Variants in PPL observed in about 807,000 individuals in gnomAD.
PPL encodes the protein periplakin.
A neutral mutation model predicts 194.4 loss-of-function variants in PPL; 198 were observed. The observed-to-expected ratio is 1.02, with a 90% CI of 0.91 to 1.15. The LOEUF (loss-of-function observed/expected upper bound fraction) is 1.15. PPL is among the 50% of genes most tolerant of loss of function. The pLI, the probability that PPL is intolerant of heterozygous loss-of-function variation, is 0.00. For synonymous variants in PPL, 1,220 were observed against 972.4 expected (o/e 1.25, Z -4.74); for missense variants, 2,885 against 2,294.8 (o/e 1.26, Z -5.25).
chr16:4,918,808 G>T lies in PPL; in HGVS notation c.63-7859C>A, dbSNP rs371890953. Among the ~76,000 whole-genome samples the T allele has an allele frequency of 1.2e-3, 189 of 152,308 alleles. 2 individuals carry two copies. The highest frequency in any genetic ancestry group is 4.3e-3 in the African/African-American group (179 of 41,566). ...CCATGTGTGCCCCTTGGAGAGCTAT[G>T]GAGCCCCATGCTAGGAAGCCAGCAG... On this transcript the variant is annotated intron_variant, in intron 1 of 21. Transcript: ENST00000345988.
At chr16:4,888,336 A>G in intron 19 of PPL, 118 bp from the exon 20 acceptor site, 1 of 702,214 alleles carries the variant, frequency 1.4e-6, no homozygotes, top group Non-Finnish European at 2.5e-6. Context: ...TGGTTTTATA[A>G]TCTGCGTGGG....
chr16:4,886,973 C>T (rs2088228919), intron 21 of PPL, among the ~76,000 whole-genome samples, 162 bp downstream of exon 21: 1 of 152,240 alleles, frequency 6.6e-6, no homozygotes, highest in Non-Finnish European at 1.5e-5. Flanking sequence ...GTTCTCATGT[C>T]AGTAGAAGCA....
chr16:4,885,464 G>A lies in PPL; in HGVS notation c.3191C>T (p.Pro1064Leu). 1 of 1,612,312 alleles carries A rather than the reference G, an allele frequency of 6.2e-7. No individual in the cohort carries two copies. The highest frequency in any genetic ancestry group is 8.5e-7 in the Non-Finnish European group (1 of 1,179,964). ...EKEVVKLQND[P>L]QLEAEYQQLQ... Reference sequence around the variant, plus strand: ...CTGCTGGTACTCTGCCTCCAGCTGGGGGTCATTCTGCAGTTTCACCACCTC... The same window carrying A: ...CTGCTGGTACTCTGCCTCCAGCTGGAGGTCATTCTGCAGTTTCACCACCTC... The change falls in exon 22 of 22, where the codon CCC becomes CTC. Residue 1064 changes from proline to leucine, a missense_variant. Pro to Leu is a moderately conservative substitution (Grantham distance 98). Coordinates refer to ENST00000345988, the MANE Select transcript of PPL (RefSeq NM_002705.5). The surrounding 1 kb of genome is among the most constrained non-coding windows in gnomAD (Gnocchi z 6.3).
intron 1 of PPL, among the ~76,000 whole-genome samples, chr16:4,923,606 G>A (rs2089097135): frequency 1.3e-5 from 2 of 152,176 alleles, no homozygotes; most frequent in South Asian, 2.1e-4. Flanking sequence ...TACCCTGCCT[G>A]CAGGGGAGGA....
At chr16:4,930,283 C>T (rs906849566) in intron 1 of PPL, among the ~76,000 whole-genome samples, 6 of 152,166 alleles carry the variant, frequency 3.9e-5, no homozygotes. Context: ...CACTATCACT[C>T]CGCATTGCTG....
chr16:4,907,539 T>C (rs2088717164), intron 2 of PPL, among the ~76,000 whole-genome samples: 1 of 151,946 alleles, frequency 6.6e-6, no homozygotes, highest in Admixed American at 6.6e-5. Flanking sequence ...GCAGATTAGT[T>C]GCTGCCAGGG....
chr16:4,885,878 T>C lies in PPL; in HGVS notation c.2777A>G (p.Gln926Arg). The C allele has an allele frequency of 1.2e-6, 2 of 1,609,480 alleles. No individual in the cohort carries two copies. The highest frequency in any genetic ancestry group is 1.7e-6 in the Non-Finnish European group (2 of 1,179,994). ...CCTCACCACCGATTCCTGAGGCCCC[T>C]GATTCCTCAAGGTCCAGATTTCTTC... The part of the protein sequence containing the change: ...TQEEIWTLRN[Q>R]GPQESVVRKE... The change falls in exon 22 of 22, where the codon CAG becomes CGG. Residue 926 changes from glutamine (Q) to arginine (R), a missense_variant. Physicochemically the swap from Gln to Arg is conservative, Grantham distance 43. Transcript: ENST00000345988. This position sits in a 1 kb window ranked among gnomAD's most constrained non-coding sequence, Gnocchi z 6.3.
chr16:4,911,790 G>T (rs2088825258), intron 1 of PPL, among the ~76,000 whole-genome samples: 1 of 152,002 alleles, frequency 6.6e-6, no homozygotes, highest in Admixed American at 6.6e-5. Flanking sequence ...CGTCCACCTT[G>T]GACTCCCAAA....
intron 1 of PPL, among the ~76,000 whole-genome samples, chr16:4,922,493 C>G (rs1279116549): frequency 1.3e-5 from 2 of 152,126 alleles, no homozygotes; most frequent in African/African-American, 4.8e-5. Flanking sequence ...GAAACCCTGT[C>G]TCTACTAAAA....
At chr16:4,895,799 C>A in intron 9 of PPL, 83 bp from the exon 10 acceptor site, 1 of 1,590,232 alleles carries the variant, frequency 6.3e-7, no homozygotes, top group Non-Finnish European at 8.6e-7. Flanking sequence ...GCTCATCCCT[C>A]AGGCGGGGCT....
Position 4,910,859 on chromosome 16 carries a change from C to G in PPL, c.153G>C (p.Lys51Asn), listed in dbSNP as rs746613006. ...VEKNIVDTEA[K>N]MQSDLARLQE... ...GAGTGGGGGCACTCACACTCTGCATCTTGGCCTCTGTGTCCACGATGTTCT... is the reference window on the plus strand; with the variant it reads ...GAGTGGGGGCACTCACACTCTGCATGTTGGCCTCTGTGTCCACGATGTTCT... The change falls in exon 2 of 22, where the codon AAG (lysine) becomes AAC (asparagine). Residue 51 changes from lysine to asparagine, a missense_variant. Lys to Asn is a moderately conservative substitution (Grantham distance 94). Transcript: ENST00000345988. The G allele has an allele frequency of 1.1e-5, 18 of 1,613,882 alleles. No individual in the cohort carries two copies. The highest frequency in any genetic ancestry group is 1.4e-5 in the Non-Finnish European group (17 of 1,180,020).
intron 21 of PPL, 72 bp downstream of exon 21, chr16:4,887,063 C>A: frequency 2.3e-6 from 3 of 1,283,618 alleles, no homozygotes; most frequent in Non-Finnish European, 3.4e-6. Flanking sequence ...CAAACCATTT[C>A]TCTAAGACAG....
Position 4,890,730 on chromosome 16 carries a change from G to A in PPL, c.2160C>T (p.Arg720=), listed in dbSNP as rs1437852571. The change falls in exon 17 of 22, where the codon CGC becomes CGT. Residue 720 remains arginine (R), a splice_region_variant and synonymous_variant. Transcript: ENST00000345988. ...RFNNLRQQVE[R]RAQSLQSAKA... is the part of the protein sequence containing the mutation. ...GCCACCACCCACCGCACCCTCACCT[G>A]CGTTCCACCTGCTGGCGCAGGTTGT... The A allele has an allele frequency of 6.9e-6, 11 of 1,604,804 alleles. No individual in the cohort carries two copies. Among genetic ancestry groups the A allele is most frequent in the Non-Finnish European group, 9.4e-6 (11 of 1,176,316 alleles).
chr16:4,917,865 G>C (rs1040059717), intron 1 of PPL, among the ~76,000 whole-genome samples: 7 of 151,538 alleles, frequency 4.6e-5, no homozygotes, highest in African/African-American at 1.7e-4. Flanking sequence ...TTTCGCCACT[G>C]CATTCCAGCC....
At chr16:4,887,088 A>G in intron 21 of PPL, 47 bp downstream of exon 21, 1 of 1,414,544 alleles carries the variant, frequency 7.1e-7, no homozygotes, top group Non-Finnish European at 1.0e-6. Context: ...TGTATTTGTC[A>G]CCTGTTAGAA....
At chr16:4,935,151 A>C (rs1301419984) in intron 1 of PPL, among the ~76,000 whole-genome samples, 1 of 151,732 alleles carries the variant, frequency 6.6e-6, no homozygotes, top group Non-Finnish European at 1.5e-5. Context: ...GCCACCCCAG[A>C]CCCTCCCAGT....
Position 4,891,848 on chromosome 16 carries a change from C to T in PPL, c.1931G>A (p.Ser644Asn), listed in dbSNP as rs1203471365. The change falls in exon 16 of 22, where the codon AGC (serine) becomes AAC (asparagine). Residue 644 changes from serine to asparagine, a missense_variant. Physicochemically the swap from Ser to Asn is conservative, Grantham distance 46. Transcript: ENST00000345988. ...CCCCTTGCTGTCCAGGACACGGCTG[C>T]TCTCAGGCACTGTGTCATCCTGATT... Reference protein sequence around the residue: ...HLNQDDTVPESSRVLDSKGQE... With the variant: ...HLNQDDTVPENSRVLDSKGQE... 2.5e-6 allele frequency: 4 copies of T among 1,613,388 alleles called. No homozygotes were observed. The highest frequency in any genetic ancestry group is 2.5e-6 in the Non-Finnish European group (3 of 1,179,946).
chr16:4,911,544 C>T (rs1777972423), intron 1 of PPL, among the ~76,000 whole-genome samples: 1 of 150,058 alleles, frequency 6.7e-6, no homozygotes, highest in East Asian at 2.0e-4. Context: ...TTCATTCATT[C>T]ATTTTATTGA....
In PPL at chr16:4,883,066, T is replaced by G. The variant is rs1596539113; in HGVS notation, c.*318A>C. 1 of 322,890 alleles carries G rather than the reference T, an allele frequency of 3.1e-6. No homozygotes were observed. Among genetic ancestry groups the G allele is most frequent in the Non-Finnish European group, 5.8e-6 (1 of 171,412 alleles). The allele number at this position is 322,890 out of a possible 1,614,324, so 20.0% of individuals were successfully genotyped here. The stretch of plus-strand genomic sequence containing the variant: ...CTGTGGTTGGCTTGTCCTTCAGTGG[T>G]TTTCAGATTGTGTGCAGTTATCATG... On this transcript the variant is annotated 3_prime_UTR_variant, in exon 22 of 22. Coordinates refer to ENST00000345988, the MANE Select transcript of PPL (RefSeq NM_002705.5). This position sits in a 1 kb window ranked among gnomAD's most constrained non-coding sequence, Gnocchi z 4.8.
Sources: gnomAD v4.1 joint callset for allele counts (sites outside exome capture counted in the v4.1 genomes callset) on GRCh38, gnomAD v4.1.1 for gene constraint, Gnocchi (gnomAD v3.1) non-coding constraint, MANE v1.5 for transcripts, NCBI Gene and HGNC (gene_info 2026-07-23, HGNC 2026-07-21) for gene names.